PCDH7: variants seen among roughly 807,000 people sequenced by gnomAD.
PCDH7 encodes the protein protocadherin-7.
PCDH7 carries 17 observed loss-of-function variants against 58.9 expected under a neutral mutation model. That is an observed-to-expected ratio of 0.29 (90% confidence interval 0.20 to 0.43). The LOEUF (loss-of-function observed/expected upper bound fraction) is 0.43. Among genes scored for constraint, PCDH7 ranks in the 20% least tolerant of loss-of-function variants. The pLI, the probability that PCDH7 is intolerant of heterozygous loss-of-function variation, is 1.00. For missense variants in PCDH7, 1,274 were observed against 1,441.0 expected (o/e 0.88, Z 1.88); for synonymous variants, 664 against 616.4 (o/e 1.08, Z -1.14).
intron 1 of PCDH7, among the ~76,000 whole-genome samples, chr4:30,804,971 G>A (rs1056978743): frequency 4.6e-5 from 7 of 152,216 alleles, no homozygotes; most frequent in Admixed American, 1.3e-4. Context: ...CTCCACTGAC[G>A]TGGCCCTTAT....
intron 2 of PCDH7, among the ~76,000 whole-genome samples, chr4:30,940,876 T>G (rs1391484765): frequency 1.3e-5 from 2 of 151,980 alleles, no homozygotes; most frequent in Non-Finnish European, 2.9e-5. Context: ...GTCAGATTTC[T>G]CAAGAGTATA....
In PCDH7 at chr4:31,053,725, G is replaced by T. The variant is rs1329395377; in HGVS notation, c.*8-88748G>T. On this transcript the variant is annotated intron_variant, in intron 3 of 3. Coordinates refer to the PCDH7 transcript ENST00000509759. Reference sequence around the variant, plus strand: ...CTCACTGTTCGTCACGTATATTATTGTCCCACATCCTTTTATGTATTTATG... The same window carrying T: ...CTCACTGTTCGTCACGTATATTATTTTCCCACATCCTTTTATGTATTTATG... Among the ~76,000 whole-genome samples, 3 of 151,944 alleles carry T rather than the reference G, an allele frequency of 2.0e-5. 1 individual carries two copies. The highest frequency in any genetic ancestry group is 2.0e-4 in the Admixed American group (3 of 15,250).
chr4:30,905,595 C>T (rs1018355777), intron 1 of PCDH7, among the ~76,000 whole-genome samples: 9 of 152,196 alleles, frequency 5.9e-5, no homozygotes, highest in African/African-American at 2.2e-4. Flanking sequence ...TTTTTCAGCA[C>T]AGTGGTAGGC....
At chr4:31,013,124 C>A (rs1399412101) in intron 3 of PCDH7, among the ~76,000 whole-genome samples, 1 of 150,322 alleles carries the variant, frequency 6.7e-6, no homozygotes, top group East Asian at 2.2e-4. Context: ...GAGTTTGAGG[C>A]TGCAGTGAGC....
intron 2 of PCDH7, among the ~76,000 whole-genome samples, chr4:30,940,183 T>C (rs1322759596): frequency 1.3e-5 from 2 of 152,048 alleles, no homozygotes; most frequent in African/African-American, 4.8e-5. Flanking sequence ...TCTTTCTTTG[T>C]CTTCCAAGAA....
chr4:30,983,979 T>C (rs1750771306), intron 3 of PCDH7, among the ~76,000 whole-genome samples: 2 of 152,228 alleles, frequency 1.3e-5, no homozygotes, highest in Non-Finnish European at 2.9e-5. Flanking sequence ...CACTTCTCTG[T>C]AGTAAATTCT....
intron 3 of PCDH7, among the ~76,000 whole-genome samples, chr4:31,075,783 A>T (rs1758935973): frequency 6.6e-6 from 1 of 152,170 alleles, no homozygotes. Flanking sequence ...AACTTTTTCA[A>T]TCCAGAAGTT....
chr4:30,847,523 G>A (rs1246355055), intron 1 of PCDH7, among the ~76,000 whole-genome samples: 1 of 152,098 alleles, frequency 6.6e-6, no homozygotes, highest in East Asian at 1.9e-4. Context: ...CATAGACAAA[G>A]GCACAATGCA....
intron 3 of PCDH7, among the ~76,000 whole-genome samples, chr4:31,074,554 G>A (rs904378108): frequency 6.6e-6 from 1 of 151,766 alleles, no homozygotes; most frequent in African/African-American, 2.4e-5. Flanking sequence ...AGGCCAAGGA[G>A]GGTGGATAAC....
At chr4:31,139,389 G>A (rs187687548) in intron 3 of PCDH7, among the ~76,000 whole-genome samples, 42 of 152,240 alleles carry the variant, frequency 2.8e-4, no homozygotes, top group Admixed American at 2.7e-3. Flanking sequence ...TAAAACAACA[G>A]TACTAAAGCA....
chr4:30,951,042 G>T (rs1327789567), intron 3 of PCDH7, among the ~76,000 whole-genome samples: 1 of 152,076 alleles, frequency 6.6e-6, no homozygotes, highest in Admixed American at 6.6e-5. Context: ...ATCAGGCTTT[G>T]CTTATAGTCT....
intron 3 of PCDH7, among the ~76,000 whole-genome samples, chr4:30,964,739 G>A (rs1356083605): frequency 6.6e-6 from 1 of 151,598 alleles, no homozygotes; most frequent in African/African-American, 2.4e-5. Flanking sequence ...AAATGAAATT[G>A]TTCTACATCC....
At chr4:30,833,176 C>T (rs1730026843) in intron 1 of PCDH7, among the ~76,000 whole-genome samples, 1 of 152,122 alleles carries the variant, frequency 6.6e-6, no homozygotes, top group African/African-American at 2.4e-5. Flanking sequence ...CATCCTATTG[C>T]TGTTCTAACA....
intron 1 of PCDH7, among the ~76,000 whole-genome samples, chr4:30,891,275 A>C (rs547967790): frequency 6.6e-6 from 1 of 152,224 alleles, no homozygotes; most frequent in African/African-American, 2.4e-5. Flanking sequence ...AATTGCATTG[A>C]CTTGTCAATC....
At chr4:30,891,977 T>C (rs765422278) in intron 1 of PCDH7, among the ~76,000 whole-genome samples, 20 of 151,960 alleles carry the variant, frequency 1.3e-4, no homozygotes, top group Non-Finnish European at 2.4e-4. Context: ...AAAAGAGAGA[T>C]ACTCTGTCAA....
intron 1 of PCDH7, among the ~76,000 whole-genome samples, chr4:30,849,323 T>G (rs1732405747): frequency 6.6e-6 from 1 of 152,104 alleles, no homozygotes; most frequent in Non-Finnish European, 1.5e-5. Context: ...TTGAGACAAC[T>G]TCCACAGACA....
intron 3 of PCDH7, among the ~76,000 whole-genome samples, chr4:31,108,219 G>A (rs996546366): frequency 1.3e-5 from 2 of 151,414 alleles, no homozygotes; most frequent in African/African-American, 4.8e-5. Flanking sequence ...CCTAGTAAAA[G>A]GTGAGTTTTT....
chr4:30,901,119 A>G lies in PCDH7; in HGVS notation c.71-19034A>G, dbSNP rs1255289233. 5.3e-5 allele frequency among the ~76,000 whole-genome samples: 8 copies of G among 152,312 alleles called. No individual in the cohort carries two copies. In the South Asian group the frequency reaches 1.7e-3, roughly 32 times the overall value. ...AGAATGTACGATAGCTTTAAAAAACAACACCCAGCCATTTTCACAGAGTAA... is the reference window on the plus strand; with the variant it reads ...AGAATGTACGATAGCTTTAAAAAACGACACCCAGCCATTTTCACAGAGTAA... On this transcript the variant is annotated intron_variant, in intron 1 of 3. Transcript: ENST00000509759.
At position 30,721,884 on chromosome 4, in the gene PCDH7, G is replaced by T; in HGVS notation, c.462G>T (p.Glu154Asp). Reference sequence around the variant, plus strand: ...CCGTGCTCACGCTCACGGTGGAGGAGAATCGGCCGGTGGGCACACTTTACC... The same window carrying T: ...CCGTGCTCACGCTCACGGTGGAGGATAATCGGCCGGTGGGCACACTTTACC... Residue 154 changes from glutamate (E) to aspartate (D), a missense_variant, in exon 1 of 2, where the codon GAG (glutamate) becomes GAT (aspartate). Around this residue, in one of 3 missense-constraint regions of PCDH7, gnomAD observed 212 missense variants for 255.8 expected, o/e 0.83. Coordinates refer to ENST00000361762, the Ensembl canonical transcript of PCDH7. The surrounding 1 kb of genome is among the most constrained non-coding windows in gnomAD (Gnocchi z 6.7). 6.3e-7 allele frequency: 1 copy of T among 1,596,544 alleles called. No homozygotes were observed.
Sources: gnomAD v4.1 joint callset for allele counts (sites outside exome capture counted in the v4.1 genomes callset) on GRCh38, gnomAD v4.1.1 for gene constraint, gnomAD v4.1.1 regional missense constraint, Gnocchi (gnomAD v3.1) non-coding constraint, MANE v1.5 for transcripts, NCBI Gene and HGNC (gene_info 2026-07-23, HGNC 2026-07-21) for gene names.